Variants in ING5 observed in about 807,000 individuals in gnomAD.
The protein encoded by ING5 is inhibitor of growth family member 5, also known as inhibitor of growth protein 5.
Under a neutral mutation model 37.4 loss-of-function variants are expected in ING5, and 17 were observed. The observed-to-expected ratio is 0.45, with a 90% CI of 0.31 to 0.68. The LOEUF (loss-of-function observed/expected upper bound fraction) is 0.68, where lower values mean the gene tolerates loss of function less well. ING5 is among the 30% of genes least tolerant of loss of function. ING5 has a pLI of 0.05. For missense variants in ING5, 233 were observed against 311.9 expected (o/e 0.75, Z 1.91); for synonymous variants, 123 against 116.6 (o/e 1.06, Z -0.36).
intron 7 of ING5, chr2:241,723,925 G>A (rs1200403944): frequency 5.4e-6 from 7 of 1,297,090 alleles, no homozygotes; most frequent in Non-Finnish European, 7.5e-6. Flanking sequence ...CGGGAGGATG[G>A]CTTGAGCCTG....
intron 5 of ING5, chr2:241,722,333 C>T (rs536001833): frequency 7.4e-5 from 73 of 985,316 alleles, no homozygotes; most frequent in East Asian, 3.4e-4. Flanking sequence ...CAGAGGTCCC[C>T]GGGGGAGTCC....
chr2:241,719,711 T>C lies in ING5; in HGVS notation c.483-3228T>C. 5 of 1,496,878 alleles carry C rather than the reference T, an allele frequency of 3.3e-6. No homozygotes were observed. In the South Asian group the frequency reaches 5.2e-5, roughly 15 times the overall value. The allele number at this position is 1,496,878 out of a possible 1,614,324, so 92.7% of individuals were successfully genotyped here. A position where few individuals can be genotyped will look rare whatever the true frequency, so the allele number is the denominator to read the frequency against. On this transcript the variant is annotated intron_variant, in intron 5 of 7. Coordinates refer to ENST00000313552, the MANE Select transcript of ING5 (RefSeq NM_032329.6). ...GTCGGGGCTTCCTCCCTGAGGGCTCTGCCCAGCTTCAGAGACCTCAGGAAC... is the reference window on the plus strand; with the variant it reads ...GTCGGGGCTTCCTCCCTGAGGGCTCCGCCCAGCTTCAGAGACCTCAGGAAC...
chr2:241,705,788 G>A (rs542203608), intron 2 of ING5, among the ~76,000 whole-genome samples: 2 of 152,128 alleles, frequency 1.3e-5, no homozygotes, highest in Non-Finnish European at 2.9e-5. Context: ...TTGTTCAGAC[G>A]TATATGGCAC....
At chr2:241,702,016 C>A, upstream of ING5, 1 of 1,321,274 alleles carries the variant, frequency 7.6e-7, no homozygotes, top group African/African-American at 1.6e-5. Context: ...GCCCCCGCCT[C>A]CCGCGGCACC....
chr2:241,723,216 A>G lies in ING5; in HGVS notation c.625A>G (p.Ile209Val), dbSNP rs759482138. ...MIGCDNPDCP[I>V]EWFHFACVDL... ...TTCTCCCTTTACTTTGCAGTGTCCA[A>G]TTGAGTGGTTTCACTTTGCCTGCGT... is the stretch of plus-strand genomic sequence containing the variant. The change falls in exon 7 of 8, where the codon ATT becomes GTT. Residue 209 changes from isoleucine (I) to valine (V), a missense_variant. This residue lies in a region of ING5 where 45 missense variants were observed against 98.2 expected (regional missense o/e 0.46). Transcript: ENST00000313552. 1.8e-5 allele frequency: 29 copies of G among 1,614,072 alleles called. No homozygotes were observed. The highest frequency in any genetic ancestry group is 3.3e-5 in the South Asian group (3 of 91,094).
chr2:241,724,894 C>T, intron 7 of ING5, 95 bp from the exon 8 acceptor site: 3 of 1,359,870 alleles, frequency 2.2e-6, no homozygotes, highest in Non-Finnish European at 3.1e-6. Flanking sequence ...TGCCGGCGTC[C>T]AGCAGCCCTG....
At chr2:241,688,843 G>C (rs2069500521) in intron 1 of ING5, among the ~76,000 whole-genome samples, 1 of 151,836 alleles carries the variant, frequency 6.6e-6, no homozygotes, top group African/African-American at 2.4e-5. Flanking sequence ...CTGTTGCCCA[G>C]GCTGGAGTGC....
At chr2:241,703,405 G>T (rs2069804331) in intron 1 of ING5, among the ~76,000 whole-genome samples, 1 of 152,130 alleles carries the variant, frequency 6.6e-6, no homozygotes, top group Non-Finnish European at 1.5e-5. Flanking sequence ...GGGGGCGGAG[G>T]TTGGCCTGGT....
At chr2:241,706,010 A>G (rs1162671044) in intron 2 of ING5, among the ~76,000 whole-genome samples, 5 of 150,818 alleles carry the variant, frequency 3.3e-5, no homozygotes, top group Admixed American at 3.3e-4. Flanking sequence ...AGAGTTACTC[A>G]TGGCCCTGTT....
intron 7 of ING5, chr2:241,723,697 C>G: frequency 6.7e-7 from 1 of 1,494,266 alleles, no homozygotes; most frequent in Admixed American, 1.7e-5. Flanking sequence ...TGGGGCTCTG[C>G]CCCTGGCTCT....
chr2:241,709,050 G>T (rs1575127020), intron 2 of ING5, 166 bp from the exon 3 acceptor site: 2 of 678,278 alleles, frequency 2.9e-6, no homozygotes. Context: ...CAGACTGTTT[G>T]TGCAGAACGG....
intron 5 of ING5, among the ~76,000 whole-genome samples, chr2:241,713,087 G>A (rs912777098): frequency 3.5e-5 from 5 of 144,870 alleles, no homozygotes; most frequent in African/African-American, 5.2e-5. Flanking sequence ...ATGGGGTTTC[G>A]CTCTTGTTGC....
chr2:241,687,043 T>G, upstream of ING5: 1 of 447,680 alleles, frequency 2.2e-6, no homozygotes. Context: ...GCCTCCGTCC[T>G]CGGGCGAGCA....
chr2:241,720,498 C>G (rs2070403579), intron 5 of ING5: 17 of 1,000,628 alleles, frequency 1.7e-5, no homozygotes, highest in Non-Finnish European at 2.0e-5. Context: ...GAGGCTGCCC[C>G]CTGCACTGTT....
intron 3 of ING5, among the ~76,000 whole-genome samples, chr2:241,709,821 G>C (rs2070050759): frequency 6.6e-6 from 1 of 151,898 alleles, no homozygotes; most frequent in Non-Finnish European, 1.5e-5. Context: ...TGGCCATGCT[G>C]GTCTCGAACT....
chr2:241,693,531 C>T (rs897924734), intron 2 of ING5, among the ~76,000 whole-genome samples: 4 of 151,776 alleles, frequency 2.6e-5, no homozygotes, highest in South Asian at 4.1e-4. Context: ...ACCAGGCAGA[C>T]GATGGCAAGG....
At chr2:241,722,345 G>A in intron 5 of ING5, 1 of 985,382 alleles carries the variant, frequency 1.0e-6, no homozygotes, top group Non-Finnish European at 1.2e-6. Flanking sequence ...GGGGAGTCCT[G>A]TCTGGGAGGA....
At chr2:241,723,124 G>A in intron 6 of ING5, 50 bp downstream of exon 6, 1 of 1,614,026 alleles carries the variant, frequency 6.2e-7, no homozygotes, top group Non-Finnish European at 8.5e-7. Flanking sequence ...CTTGTGTGGG[G>A]CAGGGCTGGC....
At chr2:241,687,171 C>G in exon 1 of ING5, 3 of 393,028 alleles carry the variant, frequency 7.6e-6, no homozygotes, top group East Asian at 3.6e-5. Context: ...GCTGCCCGCC[C>G]AGCGTCGGCT....
Sources: gnomAD v4.1 joint callset for allele counts (sites outside exome capture counted in the v4.1 genomes callset) on GRCh38, gnomAD v4.1.1 for gene constraint, gnomAD v4.1.1 regional missense constraint, MANE v1.5 for transcripts, NCBI Gene and HGNC (gene_info 2026-07-23, HGNC 2026-07-21) for gene names.